WDR72: variants seen among roughly 807,000 people sequenced by gnomAD.
WDR72 encodes WD repeat domain 72, also known as WD repeat-containing protein 72.
WDR72 carries 120 observed loss-of-function variants against 124.2 expected under a neutral mutation model. The observed-to-expected ratio is 0.97, with a 90% CI of 0.83 to 1.12. The LOEUF is 1.12. WDR72 is among the 50% of genes most tolerant of loss of function. The probability of loss-of-function intolerance (pLI) is 0.00; values close to 1 mark genes in which losing one functional copy is unlikely to be tolerated. For missense variants in WDR72, 1,387 were observed against 1,278.8 expected (o/e 1.08, Z -1.29); for synonymous variants, 452 against 441.7 (o/e 1.02, Z -0.29).
At chr15:53,521,695 G>C (rs1013784425) in intron 19 of WDR72, among the ~76,000 whole-genome samples, 1 of 152,036 alleles carries the variant, frequency 6.6e-6, no homozygotes, top group African/African-American at 2.4e-5. Context: ...CTTTTGAAAT[G>C]ATATAAAGCT....
chr15:53,616,780 T>A (rs1277210535), intron 14 of WDR72, among the ~76,000 whole-genome samples: 2 of 152,028 alleles, frequency 1.3e-5, no homozygotes, highest in Non-Finnish European at 2.9e-5. Flanking sequence ...GCTGGCACAG[T>A]GGGTTCCCAT....
chr15:53,586,166 G>C (rs180721864), intron 18 of WDR72, among the ~76,000 whole-genome samples: 10 of 152,154 alleles, frequency 6.6e-5, no homozygotes, highest in Non-Finnish European at 2.9e-5. Context: ...AAGAGGTAGA[G>C]TGATTTGATG....
At chr15:53,729,444 A>C (rs1595878452) in intron 2 of WDR72, among the ~76,000 whole-genome samples, 1 of 151,060 alleles carries the variant, frequency 6.6e-6, no homozygotes, top group East Asian at 2.0e-4. Flanking sequence ...CCTTAAAATC[A>C]CCACTGCTTT....
intron 18 of WDR72, among the ~76,000 whole-genome samples, chr15:53,536,600 A>G (rs145428239): frequency 8.5e-5 from 13 of 152,286 alleles, no homozygotes; most frequent in African/African-American, 3.1e-4. Flanking sequence ...AAATGGGTGG[A>G]TGAATGTATG....
At chr15:53,629,981 T>C (rs1169859077) in intron 14 of WDR72, among the ~76,000 whole-genome samples, 1 of 152,084 alleles carries the variant, frequency 6.6e-6, no homozygotes, top group African/African-American at 2.4e-5. Context: ...AATTAAACAA[T>C]ACACTCCTAA....
intron 14 of WDR72, among the ~76,000 whole-genome samples, chr15:53,617,166 G>A (rs922719348): frequency 6.6e-6 from 1 of 151,706 alleles, no homozygotes. Context: ...TTATTAGGCA[G>A]ACAAAATAAT....
At chr15:53,706,234 A>G (rs1325766793) in intron 9 of WDR72, among the ~76,000 whole-genome samples, 160 bp from the exon 10 acceptor site, 1 of 151,798 alleles carries the variant, frequency 6.6e-6, no homozygotes, top group African/African-American at 2.4e-5. Flanking sequence ...ATAATCTGTG[A>G]TCTAGGACTA....
rs1202587968 is a variant in WDR72, at chr15:53,690,071, T to TG, written c.1765+9678dup. 4.2e-4 allele frequency among the ~76,000 whole-genome samples: 31 copies of TG among 73,680 alleles called. 1 individual carries two copies. The highest frequency in any genetic ancestry group is 1.5e-3 in the African/African-American group (28 of 18,198). 48.3% of individuals were successfully genotyped at this position (73,680 alleles called of 152,430 possible). A position where few individuals can be genotyped will look rare whatever the true frequency, so the allele number is the denominator to read the frequency against. ...TCACACTCTGGGGACTGTTGTGGGG[T>TG]GGGGGGAGGGGGGAGGGATAGCACT... On this transcript the variant is annotated intron_variant, in intron 13 of 19. Transcript: ENST00000360509.
intron 18 of WDR72, among the ~76,000 whole-genome samples, chr15:53,524,427 C>G (rs1435547573): frequency 3.3e-5 from 5 of 152,076 alleles, no homozygotes; most frequent in Non-Finnish European, 7.4e-5. Context: ...TGTTACCAGA[C>G]AAGAAAGCAA....
At position 53,699,940 on chromosome 15, in the gene WDR72, C is replaced by T. The variant is rs752455308; in HGVS notation, c.1575G>A (p.Arg525=). ...ACACACAGCAAATTATCTGCTCACCCCTTAGCTGTGAAAAAACAACATGCT... is the reference window on the plus strand; with the variant it reads ...ACACACAGCAAATTATCTGCTCACCTCTTAGCTGTGAAAAAACAACATGCT... ...LLMSPEKFKL[R]GEQIICCVCG... is the part of the protein sequence containing the mutation. Residue 525 remains arginine, a synonymous_variant, in exon 13 of 20, where the codon AGG becomes AGA. Transcript: ENST00000360509. 4 of 1,614,172 alleles carry T rather than the reference C, an allele frequency of 2.5e-6. No homozygotes were observed. Among genetic ancestry groups the T allele is most frequent in the Non-Finnish European group, 3.4e-6 (4 of 1,180,040 alleles).
At chr15:53,742,827 G>A (rs2140882586) in intron 1 of WDR72, among the ~76,000 whole-genome samples, 1 of 152,152 alleles carries the variant, frequency 6.6e-6, no homozygotes, top group East Asian at 1.9e-4. Context: ...AATGTACTTA[G>A]TACATCTTAG....
intron 18 of WDR72, among the ~76,000 whole-genome samples, chr15:53,532,290 G>C (rs546098205): frequency 6.6e-6 from 1 of 152,004 alleles, no homozygotes. Context: ...TCCACTGTGG[G>C]GTACATGTCC....
intron 19 of WDR72, among the ~76,000 whole-genome samples, chr15:53,522,123 C>T (rs1195508946): frequency 6.6e-6 from 1 of 151,930 alleles, no homozygotes; most frequent in Non-Finnish European, 1.5e-5. Context: ...ACAATGCCAT[C>T]GCCACTGCGC....
At chr15:53,675,728 A>G (rs1315967986) in intron 13 of WDR72, among the ~76,000 whole-genome samples, 1 of 152,176 alleles carries the variant, frequency 6.6e-6, no homozygotes, top group Non-Finnish European at 1.5e-5. Context: ...GGTGTCAATT[A>G]ATTTAATCAG....
At chr15:53,594,627 T>TAA (rs60703765) in intron 18 of WDR72, among the ~76,000 whole-genome samples, 45,845 of 141,664 alleles carry the variant, frequency 0.32, 7,280 homozygotes, top group Admixed American at 0.37. Flanking sequence ...AAATAAAAAT[T>TAA]AAAAAAAAAA....
At chr15:53,666,293 T>C (rs1184715911) in intron 13 of WDR72, among the ~76,000 whole-genome samples, 1 of 152,180 alleles carries the variant, frequency 6.6e-6, no homozygotes, top group Non-Finnish European at 1.5e-5. Context: ...TTGTTGGTAT[T>C]GTTGTGATTA....
chr15:53,631,977 G>GAAT (rs2014447534), intron 14 of WDR72, among the ~76,000 whole-genome samples: 1 of 152,144 alleles, frequency 6.6e-6, no homozygotes, highest in Non-Finnish European at 1.5e-5. Context: ...CCAGCCATGT[G>GAAT]GTAGAAATGA....
chr15:53,618,045 G>A (rs1437084947), intron 14 of WDR72, among the ~76,000 whole-genome samples: 2 of 151,780 alleles, frequency 1.3e-5, no homozygotes, highest in Admixed American at 6.6e-5. Flanking sequence ...TTTTCTATAC[G>A]TGTTATACAT....
At position 53,597,255 on chromosome 15, in the gene WDR72, G is replaced by A; in HGVS notation, c.2972C>T (p.Ala991Val). Residue 991 changes from alanine to valine, a missense_variant, in exon 18 of 20, where the codon GCT (alanine) becomes GTT (valine). Transcript: ENST00000360509. ...TTGTTGAACTTCCGCCAAGAGAACAGCTTGTATTGCTTCAGTTACCTGTAA... is the reference window on the plus strand; with the variant it reads ...TTGTTGAACTTCCGCCAAGAGAACAACTTGTATTGCTTCAGTTACCTGTAA... ...QSVQVTEAIQ[A>V]VLLAEVQQHM... The A allele has an allele frequency of 6.2e-7, 1 of 1,613,688 alleles. No individual in the cohort carries two copies.
Sources: gnomAD v4.1 joint callset for allele counts (sites outside exome capture counted in the v4.1 genomes callset) on GRCh38, gnomAD v4.1.1 for gene constraint, MANE v1.5 for transcripts, NCBI Gene and HGNC (gene_info 2026-07-23, HGNC 2026-07-21) for gene names.